The following EFCAB11 variants were observed in gnomAD, a reference collection of about 807,000 sequenced individuals.
EFCAB11 encodes EF-hand calcium binding domain 11.
Under a neutral mutation model 23.0 loss-of-function variants are expected in EFCAB11, and 14 were observed. The observed-to-expected ratio is 0.61, with a 90% CI of 0.40 to 0.95. The LOEUF is 0.95. Ranked by LOEUF, EFCAB11 falls within the 40% of genes least tolerant of loss-of-function variation. The pLI is 0.00. For synonymous variants in EFCAB11, 65 were observed against 66.6 expected, an observed-to-expected ratio of 0.98 and a Z score of 0.11; for missense variants, 198 against 195.8, an observed-to-expected ratio of 1.01 and a Z score of -0.07.
chr14:89,940,586 G>A (rs942231845), intron 3 of EFCAB11, among the ~76,000 whole-genome samples: 2 of 152,116 alleles, frequency 1.3e-5, no homozygotes, highest in Non-Finnish European at 1.5e-5. Context: ...TGAATCAATC[G>A]CTTTGATTTT....
At chr14:89,823,914 G>A (rs774385633) in intron 5 of EFCAB11, among the ~76,000 whole-genome samples, 1 of 152,110 alleles carries the variant, frequency 6.6e-6, no homozygotes, top group Non-Finnish European at 1.5e-5. Context: ...GAAACGAACA[G>A]AGGAATGAAA....
chr14:89,800,274 G>A (rs562432862), intron 5 of EFCAB11, among the ~76,000 whole-genome samples: 19 of 152,272 alleles, frequency 1.2e-4, no homozygotes, highest in African/African-American at 4.3e-4. Context: ...CCGTAAGTAA[G>A]TCGATTACAG....
intron 5 of EFCAB11, among the ~76,000 whole-genome samples, chr14:89,920,422 C>A (rs1889986498): frequency 6.6e-6 from 1 of 152,142 alleles, no homozygotes. Flanking sequence ...GTCTCTAACG[C>A]TGTTAAAAGA....
intron 5 of EFCAB11, among the ~76,000 whole-genome samples, chr14:89,887,316 A>C (rs2140183665): frequency 6.6e-6 from 1 of 152,334 alleles, no homozygotes; most frequent in Non-Finnish European, 1.5e-5. Context: ...TAAACAGGGA[A>C]CTACAAATGC....
At chr14:89,889,555 C>G (rs897953604) in intron 5 of EFCAB11, among the ~76,000 whole-genome samples, 1 of 152,212 alleles carries the variant, frequency 6.6e-6, no homozygotes, top group African/African-American at 2.4e-5. Context: ...AAGCCTGGCC[C>G]TTGACTGGCA....
chr14:89,822,498 C>T (rs1278416804), intron 5 of EFCAB11, among the ~76,000 whole-genome samples: 1 of 152,186 alleles, frequency 6.6e-6, no homozygotes, highest in African/African-American at 2.4e-5. Flanking sequence ...TCCCACCCCA[C>T]CCTTGGCACT....
chr14:89,818,935 A>G (rs1596381351), intron 5 of EFCAB11, among the ~76,000 whole-genome samples: 1 of 152,260 alleles, frequency 6.6e-6, no homozygotes, highest in African/African-American at 2.4e-5. Context: ...GAAAACAGGT[A>G]CAGCCACTTC....
rs1490385729 is a variant in EFCAB11 at position 89,806,918 on chromosome 14, A to T, written c.411-9594T>A. Among the ~76,000 whole-genome samples, 5 of 152,102 alleles carry T rather than the reference A, an allele frequency of 3.3e-5. No individual in the cohort carries two copies. In the East Asian group the frequency reaches 5.8e-4, roughly 18 times the overall value. ...TCCTGTTAGCCATGTTTAGCCTTTTAAAAAAAAGTAGTTTGAACCTTTGAC... is the reference window on the plus strand; with the variant it reads ...TCCTGTTAGCCATGTTTAGCCTTTTTAAAAAAAGTAGTTTGAACCTTTGAC... On this transcript the variant is annotated intron_variant, in intron 5 of 5. Coordinates refer to ENST00000316738, the MANE Select transcript of EFCAB11 (RefSeq NM_145231.4).
chr14:89,804,672 C>A lies in EFCAB11; in HGVS notation c.411-7348G>T, dbSNP rs190007552. Among the ~76,000 whole-genome samples, 3 of 152,284 alleles carry A rather than the reference C, an allele frequency of 2.0e-5. No individual in the cohort carries two copies. In the East Asian group the frequency reaches 5.8e-4, roughly 29 times the overall value. On this transcript the variant is annotated intron_variant, in intron 5 of 5. Coordinates refer to ENST00000316738, the MANE Select transcript of EFCAB11 (RefSeq NM_145231.4). ...ATTTAAATTGCCATCAGCAATAGCA[C>A]GTCATATCAGATTCTCACTCAAGTA...
At chr14:89,825,072 TG>T (rs1418487826) in intron 5 of EFCAB11, among the ~76,000 whole-genome samples, 1 of 131,800 alleles carries the variant, frequency 7.6e-6, no homozygotes, top group African/African-American at 2.9e-5. Context: ...CAAGTGCTCA[TG>T]GAACATTTAC....
At chr14:89,919,526 C>T (rs1023176854) in intron 5 of EFCAB11, among the ~76,000 whole-genome samples, 4 of 151,944 alleles carry the variant, frequency 2.6e-5, no homozygotes, top group African/African-American at 9.7e-5. Flanking sequence ...GGAGGAGGGT[C>T]GGGAATAATG....
chr14:89,914,613 C>T (rs557950652), intron 5 of EFCAB11, among the ~76,000 whole-genome samples: 17 of 152,120 alleles, frequency 1.1e-4, no homozygotes, highest in Admixed American at 9.8e-4. Flanking sequence ...GGTGAAACCC[C>T]GTCTCTACTA....
intron 5 of EFCAB11, among the ~76,000 whole-genome samples, chr14:89,860,636 A>C (rs1359453340): frequency 6.6e-6 from 1 of 152,256 alleles, no homozygotes; most frequent in African/African-American, 2.4e-5. Flanking sequence ...AGAAAACATT[A>C]GTTTTGGAAT....
intron 5 of EFCAB11, among the ~76,000 whole-genome samples, chr14:89,915,130 C>A (rs1247434692): frequency 1.3e-5 from 2 of 152,152 alleles, no homozygotes; most frequent in Non-Finnish European, 2.9e-5. Context: ...TCTCTGTACA[C>A]ATTATTATCA....
chr14:89,912,931 G>A (rs10150783), intron 5 of EFCAB11, among the ~76,000 whole-genome samples: 3,823 of 152,306 alleles, frequency 0.025, 182 homozygotes, highest in African/African-American at 0.086. Flanking sequence ...GATTTCTGCT[G>A]TGGGCTGTAC....
chr14:89,929,339 C>G (rs947728396), intron 5 of EFCAB11, among the ~76,000 whole-genome samples: 2 of 152,096 alleles, frequency 1.3e-5, no homozygotes, highest in Non-Finnish European at 2.9e-5. Context: ...CATGAACCAC[C>G]ACACCAGGCC....
chr14:89,915,583 A>C (rs917662884), intron 5 of EFCAB11, among the ~76,000 whole-genome samples: 1 of 152,238 alleles, frequency 6.6e-6, no homozygotes, highest in African/African-American at 2.4e-5. Flanking sequence ...TCACTAAATA[A>C]AATTAGAAAT....
chr14:89,860,033 C>A (rs1281624699), intron 5 of EFCAB11, among the ~76,000 whole-genome samples: 1 of 152,116 alleles, frequency 6.6e-6, no homozygotes, highest in African/African-American at 2.4e-5. Flanking sequence ...CTGGTTCTAA[C>A]GTGCTTTTTC....
chr14:89,900,025 T>G (rs1273836814), intron 5 of EFCAB11, among the ~76,000 whole-genome samples: 1 of 151,122 alleles, frequency 6.6e-6, no homozygotes, highest in Non-Finnish European at 1.5e-5. Context: ...CTAAGAAAGC[T>G]GAAATTTCTA....
Sources: allele counts gnomAD v4.1 joint callset (sites outside exome capture counted in the v4.1 genomes callset), GRCh38; gene constraint gnomAD v4.1.1; transcripts MANE v1.5; gene names NCBI Gene and HGNC (gene_info 2026-07-23, HGNC 2026-07-21).